The following CTNND1 variants were observed in gnomAD, a reference collection of about 807,000 sequenced individuals.
CTNND1 encodes the protein catenin delta-1.
Under a neutral mutation model 112.1 loss-of-function variants are expected in CTNND1, and 16 were observed. That is an observed-to-expected ratio of 0.14 (90% CI 0.10 to 0.22). The LOEUF is 0.22. Among genes scored for constraint, CTNND1 ranks in the 10% least tolerant of loss-of-function variants. CTNND1 has a pLI of 1.00. For missense variants in CTNND1, 1,008 were observed against 1,257.0 expected (o/e 0.80, Z 3.00); for synonymous variants, 420 against 446.5 (o/e 0.94, Z 0.75).
intron 4 of CTNND1, among the ~76,000 whole-genome samples, 185 bp from the exon 5 acceptor site, chr11:57,795,392 A>AT (rs753686307): frequency 2.0e-5 from 3 of 152,192 alleles, no homozygotes; most frequent in Admixed American, 6.5e-5. Context: ...CAACTGGGAA[A>AT]TTATGTCTAC....
chr11:57,799,541 G>A (rs1565346376), intron 6 of CTNND1, among the ~76,000 whole-genome samples: 2 of 152,172 alleles, frequency 1.3e-5, no homozygotes, highest in Admixed American at 6.5e-5. Flanking sequence ...AGTGATTAGT[G>A]GAAAAAGCAC....
At chr11:57,813,883 C>T (rs1235919148) in intron 17 of CTNND1, 2 of 153,036 alleles carry the variant, frequency 1.3e-5, no homozygotes, top group Non-Finnish European at 2.9e-5. Flanking sequence ...TTAAACTTGT[C>T]AGTATGGTAA....
chr11:57,779,544 C>T (rs1396212005), intron 1 of CTNND1, among the ~76,000 whole-genome samples: 1 of 152,204 alleles, frequency 6.6e-6, no homozygotes. Flanking sequence ...AGGAGGACAG[C>T]TGCCCTAGAG....
chr11:57,816,369 A>G lies in CTNND1; in HGVS notation c.*61A>G. 1.2e-6 allele frequency: 2 copies of G among 1,603,674 alleles called. No individual in the cohort carries two copies. The highest frequency in any genetic ancestry group is 1.1e-5 in the South Asian group (1 of 90,800). On this transcript the variant is annotated 3_prime_UTR_variant, in exon 21 of 21. Transcript: ENST00000399050. ...CTTTTATTTTTTGGTGGTGAAATTGACTGATGATTTTCCTTTTTCTTCGCT... is the reference window on the plus strand; with the variant it reads ...CTTTTATTTTTTGGTGGTGAAATTGGCTGATGATTTTCCTTTTTCTTCGCT...
chr11:57,798,574 G>A (rs769003552), intron 6 of CTNND1, among the ~76,000 whole-genome samples: 1 of 152,144 alleles, frequency 6.6e-6, no homozygotes, highest in East Asian at 1.9e-4. Context: ...GGTGGGGGTC[G>A]GGGGATACAT....
chr11:57,797,879 A>G (rs1299556496), intron 6 of CTNND1, among the ~76,000 whole-genome samples: 1 of 140,306 alleles, frequency 7.1e-6, no homozygotes, highest in East Asian at 2.3e-4. Flanking sequence ...TGTGATTGTT[A>G]TTAGTCTGTG....
At chr11:57,774,796 C>T (rs1953728429) in intron 1 of CTNND1, among the ~76,000 whole-genome samples, 1 of 152,080 alleles carries the variant, frequency 6.6e-6, no homozygotes, top group African/African-American at 2.4e-5. Flanking sequence ...TCGCTGCAAC[C>T]TCCGCCTCCC....
At chr11:57,779,194 T>A (rs1309612856) in intron 1 of CTNND1, among the ~76,000 whole-genome samples, 1 of 152,142 alleles carries the variant, frequency 6.6e-6, no homozygotes, top group African/African-American at 2.4e-5. Flanking sequence ...ACATTTTATA[T>A]CTCATCCTTC....
rs11570212 is a variant in CTNND1 at position 57,809,526 on chromosome 11, C to T, written c.2435+60C>T. 1,785 of 1,465,274 alleles carry T rather than the reference C, an allele frequency of 1.2e-3. 24 individuals are homozygous for T. The African/African-American group carries it at 0.021, about 17-fold the overall frequency. 90.8% of individuals were successfully genotyped at this position (1,465,274 alleles called of 1,614,324 possible). A position where few individuals can be genotyped will look rare whatever the true frequency, so the allele number is the denominator to read the frequency against. On this transcript the variant is annotated intron_variant, in intron 15 of 20. Transcript: ENST00000399050. ...TTTGAGTGAGTGGAGAGTTGTTTTCCTCTTTTGGTTACTAAGAAAGGAAAT... is the reference window on the plus strand; with the variant it reads ...TTTGAGTGAGTGGAGAGTTGTTTTCTTCTTTTGGTTACTAAGAAAGGAAAT...
In CTNND1 at chr11:57,771,941, T is replaced by G. The variant is rs80196524; in HGVS notation, c.-214+9822T>G. 9.9e-3 allele frequency among the ~76,000 whole-genome samples: 1,507 copies of G among 152,012 alleles called. 28 individuals carry two copies. Among genetic ancestry groups the G allele is most frequent in the African/African-American group, 0.035 (1,447 of 41,494 alleles). On this transcript the variant is annotated intron_variant, in intron 1 of 20. Transcript: ENST00000399050. ...GGATCAAAATTTTTCTTTTTCTTTT[T>G]TTTTTTTCTTTTTTGATACAAGGTC...
chr11:57,804,787 G>C lies in CTNND1; in HGVS notation c.1722+7G>C, dbSNP rs1277934206. ...GAAGGATTCAGACAGCAAGGTAAGT[G>C]CTGTCTTACCTTTAATGGCTGAGTG... is the stretch of plus-strand genomic sequence containing the variant. On this transcript the variant is annotated splice_region_variant and intron_variant, in intron 9 of 20. Transcript: ENST00000399050. The C allele has an allele frequency of 6.3e-7, 1 of 1,592,822 alleles. No individual in the cohort carries two copies. Among genetic ancestry groups the C allele is most frequent in the Non-Finnish European group, 8.6e-7 (1 of 1,161,374 alleles).
intron 14 of CTNND1, among the ~76,000 whole-genome samples, chr11:57,808,767 G>A (rs2063000555): frequency 6.6e-6 from 1 of 152,114 alleles, no homozygotes; most frequent in South Asian, 2.1e-4. Flanking sequence ...ATTATTTATT[G>A]AGCACTTACT....
intron 1 of CTNND1, among the ~76,000 whole-genome samples, chr11:57,782,625 G>C (rs1258797041): frequency 6.6e-6 from 1 of 152,218 alleles, no homozygotes; most frequent in Non-Finnish European, 1.5e-5. Context: ...ACAAGAGTAG[G>C]TTACAGTCTA....
At chr11:57,791,994 AT>A (rs558136149) in intron 3 of CTNND1, among the ~76,000 whole-genome samples, 3 of 150,888 alleles carry the variant, frequency 2.0e-5, no homozygotes, top group East Asian at 1.9e-4. Context: ...TTCTTTTCTG[AT>A]TTTTTTTTCT....
At position 57,803,818 on chromosome 11, in the gene CTNND1, C is replaced by A; in HGVS notation, c.1604+14C>A. 6.5e-7 allele frequency: 1 copy of A among 1,532,742 alleles called. No individual in the cohort carries two copies. The highest frequency in any genetic ancestry group is 8.8e-7 in the Non-Finnish European group (1 of 1,138,702). 94.9% of individuals were successfully genotyped at this position (1,532,742 alleles called of 1,614,324 possible). ...TGGCTGCCTTAGGTAACAGTAGGGA[C>A]TTTGAGAATATGAAGATGAATTTTT... On this transcript the variant is annotated intron_variant, in intron 8 of 20. Coordinates refer to ENST00000399050, the MANE Select transcript of CTNND1 (RefSeq NM_001085458.2).
rs982617816 is a variant in CTNND1, at chr11:57,801,850, T to G, written c.1074T>G (p.Pro358=). 4 of 1,614,048 alleles carry G rather than the reference T, an allele frequency of 2.5e-6. No individual in the cohort carries two copies. The highest frequency in any genetic ancestry group is 3.4e-6 in the Non-Finnish European group (4 of 1,179,900). The stretch of plus-strand genomic sequence containing the variant: ...TGGATAGCCTGCGCAAAGGAGGGCC[T>G]CCACCTCCTAATTGGAGACAGCCAG... ...ASLDSLRKGG[P]PPPNWRQPEL... is the part of the protein sequence containing the mutation. The change falls in exon 7 of 21, where the codon CCT becomes CCG. Residue 358 remains proline, a synonymous_variant. Transcript: ENST00000399050.
At chr11:57,810,560 C>T (rs2063215823) in intron 16 of CTNND1, among the ~76,000 whole-genome samples, 1 of 151,914 alleles carries the variant, frequency 6.6e-6, no homozygotes, top group Admixed American at 6.5e-5. Flanking sequence ...GAACTCTGAG[C>T]TTAGGCAACC....
At chr11:57,801,657 T>G in intron 6 of CTNND1, 76 bp from the exon 7 acceptor site, 11 of 1,182,652 alleles carry the variant, frequency 9.3e-6, no homozygotes, top group East Asian at 2.4e-5. Flanking sequence ...CCTTTGCAGA[T>G]GAGGGTAATG....
At chr11:57,809,592 T>TTCAC in intron 15 of CTNND1, 126 bp downstream of exon 15, 1 of 781,410 alleles carries the variant, frequency 1.3e-6, no homozygotes, top group Non-Finnish European at 2.0e-6. Context: ...GCTATTGCTC[T>TTCAC]ATTATCTGTC....
Sources: gnomAD v4.1 joint callset for allele counts (sites outside exome capture counted in the v4.1 genomes callset) on GRCh38, gnomAD v4.1.1 for gene constraint, MANE v1.5 for transcripts, NCBI Gene and HGNC (gene_info 2026-07-23, HGNC 2026-07-21) for gene names.